ATRNL1: variants seen among roughly 807,000 people sequenced by gnomAD.
ATRNL1 encodes attractin like 1.
In ATRNL1, 95 loss-of-function variants were observed where a neutral mutation model predicts 182.7. The ratio of observed to expected loss-of-function variants is 0.52; its 90% confidence interval spans 0.44 to 0.62. ATRNL1 has a LOEUF of 0.62. Among genes scored for constraint, ATRNL1 ranks in the 20% least tolerant of loss-of-function variants. ATRNL1 has a pLI of 0.00. For missense variants in ATRNL1, 1,471 were observed against 1,679.5 expected (o/e 0.88, Z 2.17); for synonymous variants, 576 against 568.3 (o/e 1.01, Z -0.19).
At chr10:115,613,654 C>T (rs2133784203) in intron 26 of ATRNL1, among the ~76,000 whole-genome samples, 1 of 152,172 alleles carries the variant, frequency 6.6e-6, no homozygotes, top group Non-Finnish European at 1.5e-5. Context: ...CCATCAGGTA[C>T]TGGGTATTTT....
chr10:115,875,958 A>C (rs1399135905), intron 28 of ATRNL1, among the ~76,000 whole-genome samples: 4 of 152,168 alleles, frequency 2.6e-5, no homozygotes, highest in Non-Finnish European at 5.9e-5. Context: ...GCAAAGACTA[A>C]AAGGATGAGT....
chr10:115,911,460 G>C (rs566281531), intron 28 of ATRNL1, among the ~76,000 whole-genome samples: 75 of 152,216 alleles, frequency 4.9e-4, no homozygotes, highest in Non-Finnish European at 9.3e-4. Context: ...TGGGATTACA[G>C]GTGCCCACCA....
intron 28 of ATRNL1, among the ~76,000 whole-genome samples, chr10:115,889,901 A>G (rs1384183716): frequency 1.3e-5 from 2 of 152,200 alleles, no homozygotes; most frequent in African/African-American, 4.8e-5. Context: ...CAAGGAATAT[A>G]TGTGTATTTA....
At chr10:115,303,443 G>A (rs932291054) in intron 17 of ATRNL1, among the ~76,000 whole-genome samples, 7 of 151,894 alleles carry the variant, frequency 4.6e-5, no homozygotes, top group African/African-American at 9.7e-5. Context: ...GGCTGATCTC[G>A]AACTCCTGAC....
intron 26 of ATRNL1, among the ~76,000 whole-genome samples, chr10:115,594,836 C>G (rs548596198): frequency 6.6e-6 from 1 of 152,170 alleles, no homozygotes. Flanking sequence ...TTCTCTAGGT[C>G]TCTAAAGAGA....
chr10:115,460,198 T>C (rs1554969464), intron 21 of ATRNL1, among the ~76,000 whole-genome samples: 1 of 152,164 alleles, frequency 6.6e-6, no homozygotes, highest in African/African-American at 2.4e-5. Flanking sequence ...TTTCCTGCCT[T>C]CCTGGCTTTC....
intron 1 of ATRNL1, among the ~76,000 whole-genome samples, chr10:115,100,986 T>C (rs1267436808): frequency 5.9e-5 from 9 of 152,206 alleles, no homozygotes; most frequent in African/African-American, 1.9e-4. Flanking sequence ...TTGGATGCTA[T>C]TGTAAATGGC....
At chr10:115,675,276 C>T (rs1306948417) in intron 26 of ATRNL1, among the ~76,000 whole-genome samples, 2 of 152,074 alleles carry the variant, frequency 1.3e-5, no homozygotes, top group Non-Finnish European at 1.5e-5. Flanking sequence ...AGTGGAGGAT[C>T]TCATGAGCCC....
chr10:115,822,283 T>C (rs1555090653), intron 27 of ATRNL1, among the ~76,000 whole-genome samples: 1 of 152,144 alleles, frequency 6.6e-6, no homozygotes, highest in African/African-American at 2.4e-5. Context: ...TAAAGCAGTG[T>C]CTAGAGGGAA....
chr10:115,489,309 A>G (rs1017864800), intron 24 of ATRNL1, among the ~76,000 whole-genome samples: 1 of 152,052 alleles, frequency 6.6e-6, no homozygotes, highest in Admixed American at 6.5e-5. Context: ...TGATCTGTCT[A>G]ATATTGACAG....
At chr10:115,771,779 T>G (rs1278731393) in intron 27 of ATRNL1, among the ~76,000 whole-genome samples, 1 of 152,188 alleles carries the variant, frequency 6.6e-6, no homozygotes, top group African/African-American at 2.4e-5. Flanking sequence ...CCCAATGCCT[T>G]GATTGGGATG....
intron 19 of ATRNL1, among the ~76,000 whole-genome samples, chr10:115,374,291 A>C (rs1176365924): frequency 6.6e-6 from 1 of 151,640 alleles, no homozygotes; most frequent in East Asian, 1.9e-4. Flanking sequence ...TCAAAGGAAA[A>C]AACTCTTAGT....
intron 27 of ATRNL1, among the ~76,000 whole-genome samples, chr10:115,833,915 C>T (rs1398992885): frequency 1.3e-5 from 2 of 152,188 alleles, no homozygotes; most frequent in African/African-American, 4.8e-5. Flanking sequence ...ACAGGGCCTG[C>T]TCTTCACCAT....
intron 27 of ATRNL1, among the ~76,000 whole-genome samples, chr10:115,813,107 T>C (rs1555087500): frequency 1.3e-5 from 2 of 151,830 alleles, no homozygotes; most frequent in Admixed American, 1.3e-4. Context: ...GTGGGGTTCT[T>C]TTGCCCACCC....
At chr10:115,777,763 G>C (rs1360799242) in intron 27 of ATRNL1, among the ~76,000 whole-genome samples, 1 of 152,162 alleles carries the variant, frequency 6.6e-6, no homozygotes, top group Non-Finnish European at 1.5e-5. Flanking sequence ...TTTCAGTGTG[G>C]TTAGGAAGAA....
intron 27 of ATRNL1, among the ~76,000 whole-genome samples, chr10:115,732,825 GTTAC>G (rs1191358214): frequency 1.3e-5 from 2 of 152,084 alleles, no homozygotes; most frequent in Non-Finnish European, 2.9e-5. Flanking sequence ...AAGGAATAGA[GTTAC>G]TTAAAGTTCA....
chr10:115,379,200 CAT>C (rs1857846837), intron 19 of ATRNL1, among the ~76,000 whole-genome samples: 1 of 152,024 alleles, frequency 6.6e-6, no homozygotes, highest in Non-Finnish European at 1.5e-5. Flanking sequence ...AAATCATCAT[CAT>C]ATATAAAATT....
chr10:115,273,100 T>C, intron 13 of ATRNL1, among the ~76,000 whole-genome samples: 1 of 152,088 alleles, frequency 6.6e-6, no homozygotes, highest in East Asian at 1.9e-4. Flanking sequence ...TGGCACCATA[T>C]CAGGAGCTCA....
intron 19 of ATRNL1, among the ~76,000 whole-genome samples, chr10:115,387,273 A>C (rs1554952955): frequency 1.3e-5 from 2 of 152,132 alleles, no homozygotes; most frequent in African/African-American, 4.8e-5. Context: ...TTTAAAGGTA[A>C]AGGGACCAGG....
Sources: gnomAD v4.1 joint callset for allele counts (sites outside exome capture counted in the v4.1 genomes callset) on GRCh38, gnomAD v4.1.1 for gene constraint, MANE v1.5 for transcripts, NCBI Gene and HGNC (gene_info 2026-07-23, HGNC 2026-07-21) for gene names.